DLG2: variants seen among roughly 807,000 people sequenced by gnomAD.
DLG2 encodes the protein discs large MAGUK scaffold protein 2, also known as disks large homolog 2.
DLG2 carries 45 observed loss-of-function variants against 132.5 expected under a neutral mutation model. The observed-to-expected ratio is 0.34, with a 90% CI of 0.27 to 0.44. The LOEUF (loss-of-function observed/expected upper bound fraction) is 0.44. Ranked by LOEUF, DLG2 falls within the 20% of genes least tolerant of loss-of-function variation. The pLI, the probability that DLG2 is intolerant of heterozygous loss-of-function variation, is 1.00. For missense variants in DLG2, 1,045 were observed against 1,196.9 expected, an observed-to-expected ratio of 0.87 and a Z score of 1.87; for synonymous variants, 424 against 419.6, an observed-to-expected ratio of 1.01 and a Z score of -0.13.
intron 6 of DLG2, among the ~76,000 whole-genome samples, chr11:84,870,582 C>T (rs1042091640): frequency 6.6e-6 from 1 of 152,132 alleles, no homozygotes; most frequent in Admixed American, 6.5e-5. Flanking sequence ...CCAAGTAACT[C>T]GCAATAGCTG....
At chr11:85,321,905 C>A (rs1363475984) in intron 3 of DLG2, among the ~76,000 whole-genome samples, 7 of 151,922 alleles carry the variant, frequency 4.6e-5, no homozygotes, top group African/African-American at 1.7e-4. Flanking sequence ...TTTGTTGAGT[C>A]TGGAGTAAAT....
At chr11:84,683,704 C>A (rs1465869204) in intron 6 of DLG2, among the ~76,000 whole-genome samples, 2 of 152,080 alleles carry the variant, frequency 1.3e-5, no homozygotes, top group Non-Finnish European at 2.9e-5. Context: ...TCTGCAGGTG[C>A]ACTGAAAGCA....
At position 83,542,212 on chromosome 11, in the gene DLG2, TACTAAAAAA is replaced by T. The variant is rs370286886; in HGVS notation, c.1941-363_1941-355del. ...CCCATTACAATCAAATTTTTAAAATTACTAAAAAAAGTAAAATAATAAAGAGAAACATGG... is the reference window on the plus strand; with the variant it reads ...CCCATTACAATCAAATTTTTAAAATTAGTAAAATAATAAAGAGAAACATGG... On this transcript the variant is annotated intron_variant, in intron 19 of 27. Transcript: ENST00000376104. 1.1e-3 allele frequency among the ~76,000 whole-genome samples: 161 copies of T among 152,290 alleles called. 1 individual carries two copies. The highest frequency in any genetic ancestry group is 3.7e-3 in the African/African-American group (155 of 41,558).
intron 7 of DLG2, among the ~76,000 whole-genome samples, chr11:84,423,695 T>C (rs1404512211): frequency 6.6e-6 from 1 of 151,936 alleles, no homozygotes; most frequent in Non-Finnish European, 1.5e-5. Context: ...ATTGTTTAGA[T>C]TATCTTTTAA....
chr11:84,390,457 T>A (rs1033351111), intron 7 of DLG2, among the ~76,000 whole-genome samples: 1 of 152,186 alleles, frequency 6.6e-6, no homozygotes, highest in Non-Finnish European at 1.5e-5. Context: ...AATGCCAGGT[T>A]AGAAAAATCT....
intron 11 of DLG2, among the ~76,000 whole-genome samples, chr11:83,989,801 A>G (rs1020176215): frequency 2.6e-5 from 4 of 152,198 alleles, no homozygotes; most frequent in African/African-American, 7.2e-5. Context: ...ACTGAAATGA[A>G]TACAATGAGT....
chr11:85,376,066 T>A (rs936185354), intron 3 of DLG2, among the ~76,000 whole-genome samples: 1 of 152,184 alleles, frequency 6.6e-6, no homozygotes, highest in Non-Finnish European at 1.5e-5. Context: ...AATAAGTAGT[T>A]ATAGAGCACA....
At chr11:83,733,501 G>C (rs1196778124) in intron 18 of DLG2, among the ~76,000 whole-genome samples, 1 of 152,150 alleles carries the variant, frequency 6.6e-6, no homozygotes, top group Non-Finnish European at 1.5e-5. Flanking sequence ...GCAAGTAGCT[G>C]GTGTTAAATA....
Position 84,682,571 on chromosome 11 carries a change from T to A in DLG2, c.358-147840A>T, listed in dbSNP as rs775275182. ...CTAACAATCAGATGTGGTTGCTGAA[T>A]AGAGCTGAAGGCTAACAGCTCTGGG... On this transcript the variant is annotated intron_variant, in intron 6 of 27. Coordinates refer to ENST00000376104, the MANE Select transcript of DLG2 (RefSeq NM_001142699.3). Among the ~76,000 whole-genome samples, 41 of 152,170 alleles carry A rather than the reference T, an allele frequency of 2.7e-4. 1 individual carries two copies. The highest frequency in any genetic ancestry group is 1.5e-5 in the Non-Finnish European group (1 of 68,028).
chr11:84,475,376 A>G (rs1350795960), intron 7 of DLG2, among the ~76,000 whole-genome samples: 1 of 152,158 alleles, frequency 6.6e-6, no homozygotes, highest in Admixed American at 6.6e-5. Context: ...TTAGAAAGAA[A>G]AAAAGCAAAT....
At chr11:84,394,679 A>T (rs2098805018) in intron 7 of DLG2, among the ~76,000 whole-genome samples, 1 of 137,934 alleles carries the variant, frequency 7.2e-6, no homozygotes, top group Non-Finnish European at 1.5e-5. Context: ...CCCAGGCTGG[A>T]GTGCAATGGC....
intron 3 of DLG2, among the ~76,000 whole-genome samples, chr11:85,512,439 ATAAT>A (rs2094094385): frequency 2.0e-5 from 3 of 152,150 alleles, no homozygotes; most frequent in South Asian, 4.1e-4. Context: ...TCTTCATCAA[ATAAT>A]TAAGTGCCTT....
chr11:85,485,683 G>T (rs938729970), intron 3 of DLG2, among the ~76,000 whole-genome samples: 1 of 152,130 alleles, frequency 6.6e-6, no homozygotes, highest in Non-Finnish European at 1.5e-5. Flanking sequence ...CACTCTCACC[G>T]CAGGCTTTTG....
intron 6 of DLG2, among the ~76,000 whole-genome samples, chr11:85,098,099 G>C (rs1291558491): frequency 6.6e-6 from 1 of 152,180 alleles, no homozygotes; most frequent in Non-Finnish European, 1.5e-5. Context: ...GAGAGTATGT[G>C]CTGGAGTTTT....
chr11:84,268,670 C>A (rs1333414852), intron 7 of DLG2, among the ~76,000 whole-genome samples: 1 of 151,800 alleles, frequency 6.6e-6, no homozygotes, highest in East Asian at 1.9e-4. Flanking sequence ...ACTGAGTTAG[C>A]CACGATGGTC....
intron 3 of DLG2, among the ~76,000 whole-genome samples, chr11:85,447,598 T>C (rs193284624): frequency 6.4e-4 from 97 of 152,286 alleles, no homozygotes; most frequent in Non-Finnish European, 9.9e-4. Flanking sequence ...CTTCAAGAAT[T>C]GTGAGAAAAT....
chr11:84,864,499 T>C (rs963563174), intron 6 of DLG2, among the ~76,000 whole-genome samples: 1 of 152,308 alleles, frequency 6.6e-6, no homozygotes, highest in African/African-American at 2.4e-5. Context: ...CTCTTTTCTT[T>C]ACTATCTCCT....
At chr11:84,801,510 G>A (rs1054701960) in intron 6 of DLG2, among the ~76,000 whole-genome samples, 4 of 152,138 alleles carry the variant, frequency 2.6e-5, no homozygotes, top group Non-Finnish European at 2.9e-5. Flanking sequence ...TGCAGTGAGC[G>A]GAGATGCACC....
chr11:83,777,017 G>A (rs995095002), intron 18 of DLG2, among the ~76,000 whole-genome samples: 7 of 152,088 alleles, frequency 4.6e-5, no homozygotes, highest in Admixed American at 3.9e-4. Context: ...GCTGACTGTA[G>A]GTCCATTAGG....
Sources: gnomAD v4.1 joint callset for allele counts (sites outside exome capture counted in the v4.1 genomes callset) on GRCh38, gnomAD v4.1.1 for gene constraint, MANE v1.5 for transcripts, NCBI Gene and HGNC (gene_info 2026-07-23, HGNC 2026-07-21) for gene names.